Variants in POLR3A observed in about 807,000 individuals in gnomAD.
POLR3A encodes DNA-directed RNA polymerase III subunit RPC1.
POLR3A carries 112 observed loss-of-function variants against 152.8 expected under a neutral mutation model. That is an observed-to-expected ratio of 0.73 (90% CI 0.63 to 0.86). POLR3A has a LOEUF of 0.86. POLR3A is among the 40% of genes least tolerant of loss of function. POLR3A has a pLI of 0.00. For missense variants in POLR3A, 1,385 were observed against 1,743.1 expected (o/e 0.79, Z 3.66); for synonymous variants, 615 against 652.1 (o/e 0.94, Z 0.87).
intron 2 of POLR3A, 119 bp from the exon 3 acceptor site, chr10:78,025,878 G>T: frequency 1.7e-6 from 2 of 1,173,316 alleles, no homozygotes; most frequent in Non-Finnish European, 2.6e-6. Context: ...TTTCCTTTCT[G>T]AGATCACTTC....
chr10:77,979,741 C>T (rs7917916), intron 30 of POLR3A, among the ~76,000 whole-genome samples: 2,314 of 152,304 alleles, frequency 0.015, 58 homozygotes, highest in African/African-American at 0.052. Flanking sequence ...TGGCCACCTC[C>T]CAAGGACAGT....
intron 11 of POLR3A, chr10:78,013,170 C>A: frequency 4.2e-6 from 1 of 237,892 alleles, no homozygotes; most frequent in South Asian, 5.9e-5. Context: ...TATAATACTG[C>A]ATCCTCTAAG....
chr10:77,992,438 C>CTTT (rs71030926), intron 20 of POLR3A, among the ~76,000 whole-genome samples: 1,033 of 76,548 alleles, frequency 0.013, 28 homozygotes, highest in African/African-American at 0.05. Flanking sequence ...CTGGCTAATT[C>CTTT]TTTTTTTTTT....
chr10:77,982,819 T>C lies in POLR3A; in HGVS notation c.3430-2A>G. ...ATATCTCACTGTCTCAGCGTTCACC[T>C]GCAACATGGCCAGGTGTAGGTGTTA... is the stretch of plus-strand genomic sequence containing the variant. On this transcript the variant is annotated splice_acceptor_variant, in intron 26 of 30. Coordinates refer to ENST00000372371, the MANE Select transcript of POLR3A (RefSeq NM_007055.4). LOFTEE classifies it high-confidence loss of function. The C allele has an allele frequency of 1.9e-6, 3 of 1,613,778 alleles. No homozygotes were observed. The highest frequency in any genetic ancestry group is 2.5e-6 in the Non-Finnish European group (3 of 1,179,662).
In POLR3A at chr10:77,982,225, C is replaced by T. The variant is rs765937612; in HGVS notation, c.3688G>A (p.Asp1230Asn). The change falls in exon 28 of 31, where the codon GAT becomes AAT. Residue 1230 changes from aspartate (D) to asparagine (N), a missense_variant. Physicochemically the swap from Asp to Asn is conservative, Grantham distance 23 (BLOSUM62 1). Coordinates refer to ENST00000372371, the MANE Select transcript of POLR3A (RefSeq NM_007055.4). ...KEKYKLLVEG[D>N]NLRAVMATHG... Reference sequence around the variant, plus strand: ...GTGGCCATGACTGCCCGCAGGTTATCACCTTCCACCAGAAGCTTGTACTTC... The same window carrying T: ...GTGGCCATGACTGCCCGCAGGTTATTACCTTCCACCAGAAGCTTGTACTTC... 6.2e-7 allele frequency: 1 copy of T among 1,613,960 alleles called. No individual in the cohort carries two copies. The highest frequency in any genetic ancestry group is 8.5e-7 in the Non-Finnish European group (1 of 1,179,994).
intron 21 of POLR3A, among the ~76,000 whole-genome samples, chr10:77,990,247 G>C (rs965403830): frequency 6.6e-6 from 1 of 152,018 alleles, no homozygotes; most frequent in Non-Finnish European, 1.5e-5. Flanking sequence ...AACCTTAAGA[G>C]GGTATCAAAG....
chr10:78,025,508 TAA>T (rs747223221), intron 3 of POLR3A, 112 bp downstream of exon 3: 21 of 987,888 alleles, frequency 2.1e-5, no homozygotes, highest in Non-Finnish European at 3.1e-5. Flanking sequence ...GTACTTAGTA[TAA>T]AAGAGTCCCC....
At position 77,981,467 on chromosome 10, in the gene POLR3A, C is replaced by A; in HGVS notation, c.3852G>T (p.Arg1284Ser). ...TMVNHGMSIDRRHVMLLSDLM... is the reference protein window; with the variant it reads ...TMVNHGMSIDSRHVMLLSDLM... ...GGTCGGAGAGCAGCATCACGTGCCT[C>A]CTGTCGATGCTCATGCCGTGGTTCA... The change falls in exon 29 of 31, where the codon AGG (arginine) becomes AGT (serine). Residue 1284 changes from arginine to serine, a missense_variant. Physicochemically the swap from Arg to Ser is moderately radical, Grantham distance 110 (BLOSUM62 -1). This residue lies in a region of POLR3A where 332 missense variants were observed against 400.1 expected (regional missense o/e 0.83). Coordinates refer to ENST00000372371, the MANE Select transcript of POLR3A (RefSeq NM_007055.4). 1 of 1,614,066 alleles carries A rather than the reference C, an allele frequency of 6.2e-7. No individual in the cohort carries two copies. The highest frequency in any genetic ancestry group is 8.5e-7 in the Non-Finnish European group (1 of 1,179,950).
chr10:77,993,066 T>C, intron 20 of POLR3A, 131 bp downstream of exon 20: 1 of 803,720 alleles, frequency 1.2e-6, no homozygotes, highest in Admixed American at 1.8e-5. Context: ...AGAAAAAAGA[T>C]ACTAATCCAG....
intron 11 of POLR3A, 105 bp downstream of exon 11, chr10:78,013,545 T>A (rs1222835207): frequency 9.5e-6 from 11 of 1,163,722 alleles, no homozygotes. Context: ...AGAAAGAGCC[T>A]GGCTTCTTTG....
chr10:77,981,547 G>C lies in POLR3A; in HGVS notation c.3772C>G (p.Leu1258Val), dbSNP rs1165883623. ...GTTGTCCGGGCGGCCTCGATGCCCA[G>C]AGTTTTCTCCACCTACAGAGAGCCA... ...SNNTYEVEKT[L>V]GIEAARTTII... Residue 1258 changes from leucine to valine, a missense_variant, in exon 29 of 31, where the codon CTG (leucine) becomes GTG (valine). Around this residue, in one of 7 missense-constraint regions of POLR3A, gnomAD observed 332 missense variants for 400.1 expected, o/e 0.83. Coordinates refer to ENST00000372371, the MANE Select transcript of POLR3A (RefSeq NM_007055.4). 1 of 1,613,958 alleles carries C rather than the reference G, an allele frequency of 6.2e-7. No individual in the cohort carries two copies. Among genetic ancestry groups the C allele is most frequent in the African/African-American group, 1.3e-5 (1 of 74,912 alleles).
chr10:78,021,744 A>G, intron 7 of POLR3A, 62 bp from the exon 8 acceptor site: 1 of 1,611,426 alleles, frequency 6.2e-7, no homozygotes, highest in Non-Finnish European at 8.5e-7. Context: ...GGGAACAATA[A>G]GAACGGAGAG....
intron 21 of POLR3A, among the ~76,000 whole-genome samples, chr10:77,988,422 T>C (rs1335070919): frequency 6.6e-6 from 1 of 151,784 alleles, no homozygotes; most frequent in Non-Finnish European, 1.5e-5. Flanking sequence ...TTTGGGAGGC[T>C]GAGGCAGGAG....
Position 77,985,297 on chromosome 10 carries a change from G to A in POLR3A, c.3115C>T (p.Gln1039Ter), listed in dbSNP as rs769391875. The A allele has an allele frequency of 2.5e-6, 4 of 1,613,916 alleles. No homozygotes were observed. Among genetic ancestry groups the A allele is most frequent in the East Asian group, 2.2e-5 (1 of 44,898 alleles). ...PGSAVGALCA[Q>*]SIGEPGTQMT... is the part of the protein sequence containing the mutation. Reference sequence around the variant, plus strand: ...TGGGTGCCTGGCTCACCAATGCTCTGGGCACACAGAGCACCCACTGCAGAA... The same window carrying A: ...TGGGTGCCTGGCTCACCAATGCTCTAGGCACACAGAGCACCCACTGCAGAA... The change falls in exon 24 of 31, where the codon CAG becomes TAG. Residue 1039 changes from glutamine to a stop codon, truncating the protein, a stop_gained. Coordinates refer to ENST00000372371, the MANE Select transcript of POLR3A (RefSeq NM_007055.4). LOFTEE classifies it high-confidence loss of function.
At chr10:77,981,603 G>A (rs749956241) in intron 28 of POLR3A, 44 bp from the exon 29 acceptor site, 9 of 1,610,496 alleles carry the variant, frequency 5.6e-6, no homozygotes, top group South Asian at 5.5e-5. Flanking sequence ...CTTCCGGGAG[G>A]CCACTGCAAA....
rs1221237805 is a variant in POLR3A, at chr10:77,980,273, C to A, written c.3892G>T (p.Gly1298Cys). 6.2e-7 allele frequency: 1 copy of A among 1,613,876 alleles called. No individual in the cohort carries two copies. Among genetic ancestry groups the A allele is most frequent in the East Asian group, 2.2e-5 (1 of 44,876 alleles). Residue 1298 changes from glycine to cysteine, a missense_variant and splice_region_variant, in exon 30 of 31, where the codon GGT becomes TGT. By Grantham distance (159) the Gly-to-Cys change is radical. Around this residue, in one of 7 missense-constraint regions of POLR3A, gnomAD observed 332 missense variants for 400.1 expected, o/e 0.83. Transcript: ENST00000372371. The stretch of plus-strand genomic sequence containing the variant: ...AACCTAGTGATGCCCAGGACTTCAC[C>A]CTGCGTCAAGGGAGAAAGAGTCACG... The part of the protein sequence containing the change: ...MLLSDLMTYK[G>C]EVLGITRFGL...
intron 19 of POLR3A, among the ~76,000 whole-genome samples, chr10:77,994,085 A>G (rs1348723369): frequency 6.6e-6 from 1 of 152,230 alleles, no homozygotes; most frequent in African/African-American, 2.4e-5. Flanking sequence ...AAGTAAAAAC[A>G]CACATTATGA....
At chr10:78,019,387 G>A in intron 8 of POLR3A, 122 bp from the exon 9 acceptor site, 1 of 753,674 alleles carries the variant, frequency 1.3e-6, no homozygotes, top group Non-Finnish European at 2.3e-6. Flanking sequence ...GAGGCATCCT[G>A]GGCAGCCTGC....
intron 23 of POLR3A, among the ~76,000 whole-genome samples, 178 bp from the exon 24 acceptor site, chr10:77,985,518 G>C (rs1244349311): frequency 6.6e-6 from 1 of 152,212 alleles, no homozygotes; most frequent in Non-Finnish European, 1.5e-5. Context: ...GGTACAGACA[G>C]GGGAAAGTAA....
Sources: gnomAD v4.1 joint callset for allele counts (sites outside exome capture counted in the v4.1 genomes callset) on GRCh38, gnomAD v4.1.1 for gene constraint, gnomAD v4.1.1 regional missense constraint, MANE v1.5 for transcripts, NCBI Gene and HGNC (gene_info 2026-07-23, HGNC 2026-07-21) for gene names.